Variants in ACCS observed in about 807,000 individuals in gnomAD.
ACCS encodes 1-aminocyclopropane-1-carboxylate synthase homolog (inactive).
ACCS carries 42 observed loss-of-function variants against 59.8 expected under a neutral mutation model. The observed-to-expected ratio is 0.70, with a 90% CI of 0.55 to 0.91. ACCS has a LOEUF of 0.91. Among genes scored for constraint, ACCS ranks in the 40% least tolerant of loss-of-function variants. ACCS has a pLI of 0.00. For synonymous variants in ACCS, 230 were observed against 240.3 expected (o/e 0.96, Z 0.40); for missense variants, 602 against 630.4 (o/e 0.95, Z 0.48).
At chr11:44,076,520 T>C (rs1590489022) in intron 6 of ACCS, among the ~76,000 whole-genome samples, 1 of 152,200 alleles carries the variant, frequency 6.6e-6, no homozygotes, top group East Asian at 1.9e-4. Flanking sequence ...TGTAAGGATA[T>C]AATAGGGAAT....
intron 5 of ACCS, 113 bp downstream of exon 5, chr11:44,074,794 C>CTTTCTTTCTT: frequency 8.5e-6 from 2 of 234,978 alleles, no homozygotes; most frequent in Non-Finnish European, 1.2e-5. Context: ...CTCTCTCTTT[C>CTTTCTTTCTT]TCTCCTTCCT....
chr11:44,072,925 A>T (rs1953129715), intron 3 of ACCS, among the ~76,000 whole-genome samples: 1 of 152,110 alleles, frequency 6.6e-6, no homozygotes, highest in African/African-American at 2.4e-5. Flanking sequence ...TTGACAAAGG[A>T]CCTACAATAC....
chr11:44,083,221 C>T lies in ACCS; in HGVS notation c.1164C>T (p.Ala388=). ...LPENHARLKA[A]HTYVSEELRA... ...AAAACCATGCCCGGCTCAAGGCTGC[C>T]CACACCTATGTCTCAGAAGAGCTTA... The change falls in exon 13 of 15, where the codon GCC becomes GCT. Residue 388 remains alanine, a synonymous_variant. Coordinates refer to ENST00000263776, the MANE Select transcript of ACCS (RefSeq NM_032592.4). 6.2e-7 allele frequency: 1 copy of T among 1,614,234 alleles called. No homozygotes were observed.
At chr11:44,073,159 T>C (rs1000403210) in intron 3 of ACCS, among the ~76,000 whole-genome samples, 1 of 151,380 alleles carries the variant, frequency 6.6e-6, no homozygotes, top group Non-Finnish European at 1.5e-5. Context: ...ACCCCTCCGA[T>C]TTTTTTAGGT....
At chr11:44,070,154 G>A (rs1167583830) in intron 2 of ACCS, among the ~76,000 whole-genome samples, 1 of 152,166 alleles carries the variant, frequency 6.6e-6, no homozygotes, top group Non-Finnish European at 1.5e-5. Flanking sequence ...AGGACCTGGT[G>A]AGCCTTCTGA....
rs542427920 is a variant in ACCS, at chr11:44,081,395, A to T, written c.1111+75A>T. The stretch of plus-strand genomic sequence containing the variant: ...GCCTGGGAACAGCCAGGAATCATAG[A>T]TACTTCTCCTATGAGAATAATTTAG... On this transcript the variant is annotated intron_variant, in intron 12 of 14. Coordinates refer to ENST00000263776, the MANE Select transcript of ACCS (RefSeq NM_032592.4). The T allele has an allele frequency of 3.4e-4, 530 of 1,575,926 alleles. No homozygotes were observed. The African/African-American group carries it at 6.3e-3, about 19-fold the overall frequency.
rs773258771 is a variant in ACCS, at chr11:44,067,787, G to A, written c.160G>A (p.Ala54Thr). The A allele has an allele frequency of 1.1e-5, 17 of 1,614,078 alleles. No individual in the cohort carries two copies. Among genetic ancestry groups the A allele is most frequent in the Non-Finnish European group, 1.4e-5 (17 of 1,180,036 alleles). The change falls in exon 2 of 15, where the codon GCC becomes ACC. Residue 54 changes from alanine (A) to threonine (T), a missense_variant. Physicochemically the swap from Ala to Thr is moderately conservative, Grantham distance 58. Transcript: ENST00000263776. Reference sequence around the variant, plus strand: ...AGAGCTCCGTGGAGTGGGTGATCCTGCCATGATCTCCTCTGATACCTCCTA... The same window carrying A: ...AGAGCTCCGTGGAGTGGGTGATCCTACCATGATCTCCTCTGATACCTCCTA... ...LPELRGVGDP[A>T]MISSDTSYLS...
chr11:44,083,114 G>C, intron 12 of ACCS, 55 bp from the exon 13 acceptor site: 1 of 1,595,510 alleles, frequency 6.3e-7, no homozygotes, highest in East Asian at 2.3e-5. Flanking sequence ...AGACTAGTGG[G>C]ACCAAGTAGA....
intron 2 of ACCS, among the ~76,000 whole-genome samples, chr11:44,068,476 G>A (rs1405285402): frequency 6.6e-6 from 1 of 152,060 alleles, no homozygotes; most frequent in East Asian, 1.9e-4. Flanking sequence ...GTGGTGGCGT[G>A]CACTTGTGGT....
rs769954438 is a variant in ACCS at position 44,079,592 on chromosome 11, G to T, written c.895G>T (p.Gly299Trp). The change falls in exon 10 of 15, where the codon GGG becomes TGG. Residue 299 changes from glycine to tryptophan, a missense_variant. Transcript: ENST00000263776. ...YMLSVFEKSVGYRSVLSLERL... is the reference protein window; with the variant it reads ...YMLSVFEKSVWYRSVLSLERL... Reference sequence around the variant, plus strand: ...GCTGTCCGTGTTTGAGAAGTCTGTTGGGTACCGCAGTGTCCTAAGCCTGGA... The same window carrying T: ...GCTGTCCGTGTTTGAGAAGTCTGTTTGGTACCGCAGTGTCCTAAGCCTGGA... 6.2e-7 allele frequency: 1 copy of T among 1,611,672 alleles called. No homozygotes were observed. Among genetic ancestry groups the T allele is most frequent in the Non-Finnish European group, 8.5e-7 (1 of 1,179,228 alleles).
chr11:44,081,993 C>T (rs1159573821), intron 12 of ACCS: 1 of 152,186 alleles, frequency 6.6e-6, no homozygotes, highest in African/African-American at 2.4e-5. Context: ...GCAAATGCAC[C>T]TGCTGTATCA....
intron 2 of ACCS, among the ~76,000 whole-genome samples, chr11:44,068,876 C>T (rs908400428): frequency 2.6e-5 from 4 of 152,314 alleles, no homozygotes; most frequent in Middle Eastern, 6.8e-3. Context: ...TTCTTATCCT[C>T]ATAGAGCTCA....
intron 2 of ACCS, among the ~76,000 whole-genome samples, chr11:44,068,957 A>G (rs1049385106): frequency 2.6e-5 from 4 of 152,226 alleles, no homozygotes; most frequent in Non-Finnish European, 5.9e-5. Context: ...GGTGAGTACT[A>G]TAGAGAAAAA....
At chr11:44,067,540 AAG>A (rs1320974547) in intron 1 of ACCS, 86 bp from the exon 2 acceptor site, 1 of 1,380,732 alleles carries the variant, frequency 7.2e-7, no homozygotes, top group East Asian at 2.3e-5. Context: ...AGATAAGAGA[AAG>A]GGGACTCCCA....
intron 7 of ACCS, 86 bp from the exon 8 acceptor site, chr11:44,077,759 G>A: frequency 6.5e-7 from 1 of 1,535,174 alleles, no homozygotes; most frequent in Non-Finnish European, 8.8e-7. Flanking sequence ...GGGATTACAG[G>A]GGAGGAGAGG....
chr11:44,074,859 C>G (rs1953275905), intron 5 of ACCS, among the ~76,000 whole-genome samples, 178 bp downstream of exon 5: 1 of 135,654 alleles, frequency 7.4e-6, no homozygotes. Context: ...GACTCTTGCT[C>G]TGTCACCCAG....
intron 8 of ACCS, 183 bp downstream of exon 8, chr11:44,078,105 T>G: frequency 1.3e-6 from 1 of 742,812 alleles, no homozygotes; most frequent in Non-Finnish European, 2.1e-6. Context: ...AGGGAGGGTC[T>G]TCCCTTTCAA....
At chr11:44,077,714 C>T in intron 7 of ACCS, 131 bp from the exon 8 acceptor site, 2 of 1,466,454 alleles carry the variant, frequency 1.4e-6, no homozygotes, top group Admixed American at 2.6e-5. Flanking sequence ...GGAGGGACCC[C>T]ACCTGCTTTT....
At chr11:44,082,219 G>T (rs952514072) in intron 12 of ACCS, 6 of 152,170 alleles carry the variant, frequency 3.9e-5, no homozygotes, top group East Asian at 1.9e-4. Flanking sequence ...CTTTGGAAAA[G>T]AATTCAGCAG....
Sources: allele counts gnomAD v4.1 joint callset (sites outside exome capture counted in the v4.1 genomes callset), GRCh38; gene constraint gnomAD v4.1.1; transcripts MANE v1.5; gene names NCBI Gene and HGNC (gene_info 2026-07-23, HGNC 2026-07-21).